The following MAP3K13 variants were observed in gnomAD, a reference collection of about 807,000 sequenced individuals.
The protein encoded by MAP3K13 is leucine zipper-bearing kinase.
Under a neutral mutation model 104.0 loss-of-function variants are expected in MAP3K13, and 52 were observed. The observed-to-expected ratio is 0.50, with a 90% CI of 0.40 to 0.63. The LOEUF (loss-of-function observed/expected upper bound fraction) is 0.63, where lower values mean the gene tolerates loss of function less well. MAP3K13 is among the 20% of genes least tolerant of loss of function. The pLI is 0.00. For missense variants in MAP3K13, 914 were observed against 1,218.5 expected, an observed-to-expected ratio of 0.75 and a Z score of 3.72; for synonymous variants, 394 against 442.2, an observed-to-expected ratio of 0.89 and a Z score of 1.37.
intron 2 of MAP3K13, among the ~76,000 whole-genome samples, chr3:185,349,120 C>A (rs1723042744): frequency 1.3e-5 from 2 of 151,216 alleles, no homozygotes; most frequent in African/African-American, 4.9e-5. Flanking sequence ...TCCATTTCTA[C>A]TTATTCTTTT....
At chr3:185,313,166 GAGAC>G (rs773067059) in intron 2 of MAP3K13, among the ~76,000 whole-genome samples, 30 of 149,782 alleles carry the variant, frequency 2.0e-4, no homozygotes, top group Non-Finnish European at 3.5e-4. Flanking sequence ...TCCAGCCTGA[GAGAC>G]AGAGTGAGAC....
intron 2 of MAP3K13, among the ~76,000 whole-genome samples, chr3:185,332,169 A>G (rs1444482436): frequency 6.6e-6 from 1 of 152,202 alleles, no homozygotes; most frequent in Non-Finnish European, 1.5e-5. Context: ...TTACTGGATC[A>G]AAAGGTATCA....
chr3:185,353,118 C>G (rs1723199510), intron 2 of MAP3K13, among the ~76,000 whole-genome samples: 1 of 152,176 alleles, frequency 6.6e-6, no homozygotes, highest in Non-Finnish European at 1.5e-5. Context: ...GAGTTTTTCC[C>G]TGAAAGATTT....
chr3:185,338,284 C>T (rs1451716132), intron 2 of MAP3K13, among the ~76,000 whole-genome samples: 7 of 144,618 alleles, frequency 4.8e-5, no homozygotes, highest in Non-Finnish European at 1.0e-4. Flanking sequence ...GAACCAAGAT[C>T]GTGCCATTGC....
intron 10 of MAP3K13, among the ~76,000 whole-genome samples, chr3:185,467,397 T>A (rs1221505522): frequency 2.0e-5 from 3 of 152,350 alleles, no homozygotes; most frequent in Admixed American, 2.0e-4. Context: ...AGACCATGCA[T>A]GGCTTACTTT....
intron 7 of MAP3K13, among the ~76,000 whole-genome samples, chr3:185,454,612 T>TGA (rs2148901552): frequency 1.5e-5 from 1 of 64,916 alleles, no homozygotes; most frequent in Non-Finnish European, 3.2e-5. Flanking sequence ...GAGATATATA[T>TGA]GATATATATA....
intron 12 of MAP3K13, among the ~76,000 whole-genome samples, chr3:185,479,416 CCA>C (rs1718321799): frequency 6.6e-6 from 1 of 152,210 alleles, no homozygotes; most frequent in African/African-American, 2.4e-5. Context: ...TTCTCTGGCT[CCA>C]GTTTTCTCAT....
chr3:185,455,362 A>ATATATAT (rs1716473130), intron 7 of MAP3K13, among the ~76,000 whole-genome samples: 2 of 112,064 alleles, frequency 1.8e-5, no homozygotes, highest in African/African-American at 3.4e-5. Flanking sequence ...TATATATATG[A>ATATATAT]GATATATATG....
At chr3:185,394,912 A>G (rs762871387) in intron 1 of MAP3K13, among the ~76,000 whole-genome samples, 2 of 152,214 alleles carry the variant, frequency 1.3e-5, no homozygotes, top group African/African-American at 2.4e-5. Flanking sequence ...AATGATGATG[A>G]TACTGACATA....
intron 2 of MAP3K13, among the ~76,000 whole-genome samples, chr3:185,339,978 TTTAA>T (rs1210350662): frequency 7.3e-6 from 1 of 136,626 alleles, no homozygotes; most frequent in Non-Finnish European, 1.6e-5. Flanking sequence ...TTTTGTGACC[TTTAA>T]TTATTTCTTT....
At chr3:185,348,640 C>A (rs1035947346) in intron 2 of MAP3K13, among the ~76,000 whole-genome samples, 1 of 152,172 alleles carries the variant, frequency 6.6e-6, no homozygotes, top group Non-Finnish European at 1.5e-5. Flanking sequence ...TAGGCCTGGC[C>A]AGGCATGGTG....
intron 2 of MAP3K13, among the ~76,000 whole-genome samples, chr3:185,334,984 T>C (rs965320794): frequency 2.9e-4 from 44 of 151,622 alleles, no homozygotes; most frequent in African/African-American, 1.1e-3. Flanking sequence ...TAGACATGGA[T>C]GTACTGATAA....
Position 185,317,559 on chromosome 3 carries a change from A to G in MAP3K13, c.-86+31916A>G, listed in dbSNP as rs184147535. Among the ~76,000 whole-genome samples the G allele has an allele frequency of 2.8e-3, 427 of 152,358 alleles. 1 individual carries two copies. Among genetic ancestry groups the G allele is most frequent in the Non-Finnish European group, 4.3e-3 (290 of 68,030 alleles). On this transcript the variant is annotated intron_variant, in intron 2 of 14. Transcript: ENST00000424227. ...TATACTAAGGTCACAGGAATTACGT[A>G]TGGACTCAGATTCTAACTTTAGCAT...
intron 1 of MAP3K13, among the ~76,000 whole-genome samples, chr3:185,407,921 G>A (rs896075622): frequency 8.4e-5 from 11 of 130,822 alleles, no homozygotes; most frequent in Non-Finnish European, 1.4e-4. Context: ...TTGTCACCAA[G>A]GCTGGAGTGA....
chr3:185,333,742 A>T (rs996477480), intron 2 of MAP3K13, among the ~76,000 whole-genome samples: 1 of 152,158 alleles, frequency 6.6e-6, no homozygotes, highest in African/African-American at 2.4e-5. Context: ...TAAAAAAATT[A>T]AAAATATGAA....
chr3:185,443,783 G>A (rs940715440), intron 4 of MAP3K13, 147 bp downstream of exon 4: 4 of 653,352 alleles, frequency 6.1e-6, no homozygotes, highest in East Asian at 2.7e-5. Flanking sequence ...CGCATCTCTT[G>A]GGTTATTGTT....
In MAP3K13 at chr3:185,353,894, G is replaced by A. The variant is rs145882149; in HGVS notation, c.-86+68251G>A. On this transcript the variant is annotated intron_variant, in intron 2 of 14. Transcript: ENST00000424227. ...TTGAAACTGACCATAACCACACCCC[G>A]CCCCCGCCAACCCCAAATGGTCATT... 4.4e-3 allele frequency among the ~76,000 whole-genome samples: 651 copies of A among 147,754 alleles called. 2 individuals are homozygous for A. The highest frequency in any genetic ancestry group is 7.1e-3 in the Non-Finnish European group (477 of 67,140).
In MAP3K13 at chr3:185,488,153, C is replaced by T. The variant is rs182498756; in HGVS notation, c.*5697C>T. 2.6e-5 allele frequency: 4 copies of T among 152,302 alleles called. No individual in the cohort carries two copies. Among genetic ancestry groups the T allele is most frequent in the Admixed American group, 1.3e-4 (2 of 15,290 alleles). 9.4% of individuals were successfully genotyped at this position (152,302 alleles called of 1,614,324 possible). A position where few individuals can be genotyped will look rare whatever the true frequency, so the allele number is the denominator to read the frequency against. On this transcript the variant is annotated 3_prime_UTR_variant, in exon 14 of 14. Transcript: ENST00000265026. ...AATTAATATAAGTCCCAGTTACTTG[C>T]TTCTTAGACTCTGTGAGACTCATGT...
intron 7 of MAP3K13, chr3:185,451,597 A>C (rs1319021757): frequency 2.3e-6 from 1 of 426,362 alleles, no homozygotes; most frequent in Non-Finnish European, 4.2e-6. Flanking sequence ...ACTCATTTGA[A>C]AAAACACGTG....
Sources: allele counts gnomAD v4.1 joint callset (sites outside exome capture counted in the v4.1 genomes callset), GRCh38; gene constraint gnomAD v4.1.1; transcripts MANE v1.5; gene names NCBI Gene and HGNC (gene_info 2026-07-23, HGNC 2026-07-21).